CENPP: variants seen among roughly 807,000 people sequenced by gnomAD.
CENPP encodes centromere protein P.
CENPP carries 24 observed loss-of-function variants against 35.6 expected under a neutral mutation model. That is an observed-to-expected ratio of 0.67 (90% CI 0.49 to 0.95). The LOEUF is 0.95. Among genes scored for constraint, CENPP ranks in the 40% least tolerant of loss-of-function variants. The pLI, the probability that CENPP is intolerant of heterozygous loss-of-function variation, is 0.00. For synonymous variants in CENPP, 120 were observed against 125.5 expected (o/e 0.96, Z 0.29); for missense variants, 332 against 345.3 (o/e 0.96, Z 0.31).
At chr9:92,530,268 A>C (rs73522326) in intron 5 of CENPP, among the ~76,000 whole-genome samples, 1,754 of 152,244 alleles carry the variant, frequency 0.012, 42 homozygotes, top group African/African-American at 0.04. Context: ...AGTGAACCCT[A>C]ATGTAAACTA....
chr9:92,505,542 AC>A, intron 5 of CENPP: 1 of 1,597,046 alleles, frequency 6.3e-7, no homozygotes, highest in Non-Finnish European at 8.5e-7. Context: ...CCTCAATAGA[AC>A]CAGGAAGACC....
Position 92,617,766 on chromosome 9 carries a change from G to A in CENPP, c.*4617G>A, listed in dbSNP as rs920733615. 3 of 173,416 alleles carry A rather than the reference G, an allele frequency of 1.7e-5. No homozygotes were observed. The highest frequency in any genetic ancestry group is 7.2e-5 in the African/African-American group (3 of 41,750). 10.7% of individuals were successfully genotyped at this position (173,416 alleles called of 1,614,324 possible). A position where few individuals can be genotyped will look rare whatever the true frequency, so the allele number is the denominator to read the frequency against. ...TGTGTTTCAAATGGGAGGTCGAGAG[G>A]AGCATCAGGGTTTAGGCCGGGAAGC... On this transcript the variant is annotated 3_prime_UTR_variant, in exon 8 of 8. Transcript: ENST00000375587.
chr9:92,597,542 TTTCA>T (rs1388084630), intron 5 of CENPP, among the ~76,000 whole-genome samples: 4 of 152,242 alleles, frequency 2.6e-5, no homozygotes, highest in African/African-American at 4.8e-5. Flanking sequence ...GGAATATTAC[TTTCA>T]TTATCTGTTA....
intron 4 of CENPP, among the ~76,000 whole-genome samples, chr9:92,347,771 C>G (rs72752404): frequency 0.031 from 4,652 of 152,240 alleles, 111 homozygotes; most frequent in South Asian, 0.079. Flanking sequence ...CAACAGTATA[C>G]TTTCCATTTA....
intron 5 of CENPP, among the ~76,000 whole-genome samples, chr9:92,559,869 A>G (rs1218337940): frequency 1.3e-5 from 2 of 152,218 alleles, no homozygotes; most frequent in Non-Finnish European, 2.9e-5. Context: ...ACACAAATCA[A>G]GGAAACCAGT....
intron 5 of CENPP, among the ~76,000 whole-genome samples, chr9:92,443,287 T>C (rs1844468084): frequency 6.6e-6 from 1 of 152,174 alleles, no homozygotes; most frequent in Non-Finnish European, 1.5e-5. Flanking sequence ...AAATATCAAT[T>C]TTTACCATAT....
chr9:92,452,886 T>C (rs1844755208), intron 5 of CENPP, among the ~76,000 whole-genome samples: 5 of 152,146 alleles, frequency 3.3e-5, no homozygotes, highest in Admixed American at 2.6e-4. Context: ...TTTATTTGCA[T>C]AGAGGTGTTT....
chr9:92,555,003 T>TTG (rs1849691040), intron 5 of CENPP, among the ~76,000 whole-genome samples: 8 of 149,708 alleles, frequency 5.3e-5, no homozygotes, highest in Non-Finnish European at 1.2e-4. Context: ...GTCTGTATTG[T>TTG]TTGTTGTTGT....
intron 4 of CENPP, among the ~76,000 whole-genome samples, chr9:92,352,069 A>G (rs536786336): frequency 1.5e-4 from 20 of 135,750 alleles, no homozygotes; most frequent in African/African-American, 5.3e-4. Flanking sequence ...TATTTGCACC[A>G]TCTATATAAG....
intron 5 of CENPP, among the ~76,000 whole-genome samples, chr9:92,406,454 A>G (rs1453251104): frequency 6.6e-6 from 1 of 152,252 alleles, no homozygotes. Flanking sequence ...CTAATGTTGC[A>G]TTGCTGAAGA....
intron 5 of CENPP, chr9:92,456,802 G>T: frequency 4.0e-6 from 1 of 248,218 alleles, no homozygotes; most frequent in Non-Finnish European, 6.4e-6. Context: ...ACTTTAAGAT[G>T]ATTAAAAATA....
At chr9:92,447,092 G>A (rs189198114) in intron 5 of CENPP, among the ~76,000 whole-genome samples, 2 of 152,188 alleles carry the variant, frequency 1.3e-5, no homozygotes, top group East Asian at 1.9e-4. Context: ...TTAACATAGT[G>A]TAGCGGACCC....
chr9:92,431,628 G>A (rs1844111337), intron 5 of CENPP, among the ~76,000 whole-genome samples: 3 of 152,082 alleles, frequency 2.0e-5, no homozygotes, highest in Non-Finnish European at 2.9e-5. Context: ...AGGCTGGGGT[G>A]CAGTGGCATG....
intron 5 of CENPP, chr9:92,495,474 A>C: frequency 5.1e-6 from 5 of 984,640 alleles, no homozygotes; most frequent in Non-Finnish European, 6.0e-6. Context: ...AAAAATTTAT[A>C]CATTAGATTT....
chr9:92,442,735 G>C (rs1271295290), intron 5 of CENPP, among the ~76,000 whole-genome samples: 2 of 151,774 alleles, frequency 1.3e-5, no homozygotes, highest in Non-Finnish European at 2.9e-5. Flanking sequence ...TGTAGTACCA[G>C]CTGCTTGGGA....
At chr9:92,326,655 T>G (rs1020448467) in intron 1 of CENPP, among the ~76,000 whole-genome samples, 2 of 152,148 alleles carry the variant, frequency 1.3e-5, no homozygotes, top group African/African-American at 4.8e-5. Context: ...CTCAGAGAAG[T>G]TAGGTAGCTT....
chr9:92,522,954 T>A, intron 5 of CENPP: 3 of 1,456,254 alleles, frequency 2.1e-6, no homozygotes, highest in Non-Finnish European at 2.7e-6. Context: ...GAAAATTGGC[T>A]TATATATTTG....
At chr9:92,533,175 G>A (rs898264993) in intron 5 of CENPP, among the ~76,000 whole-genome samples, 2 of 149,796 alleles carry the variant, frequency 1.3e-5, no homozygotes, top group South Asian at 2.1e-4. Context: ...TGGCACGCGC[G>A]TGTAGTCCCA....
intron 5 of CENPP, chr9:92,505,408 A>C (rs1846940780): frequency 1.2e-6 from 1 of 851,304 alleles, no homozygotes; most frequent in African/African-American, 1.8e-5. Context: ...AAATTACAGG[A>C]AATTCTGTAT....
Sources: gnomAD v4.1 joint callset for allele counts (sites outside exome capture counted in the v4.1 genomes callset) on GRCh38, gnomAD v4.1.1 for gene constraint, MANE v1.5 for transcripts, NCBI Gene and HGNC (gene_info 2026-07-23, HGNC 2026-07-21) for gene names.